The following WASL variants were observed in gnomAD, a reference collection of about 807,000 sequenced individuals.
WASL encodes the protein WASP like actin nucleation promoting factor, also known as actin nucleation-promoting factor WASL.
WASL carries 20 observed loss-of-function variants against 55.5 expected under a neutral mutation model. The observed-to-expected ratio is 0.36, with a 90% CI of 0.25 to 0.52. The LOEUF (loss-of-function observed/expected upper bound fraction) is 0.52, where lower values mean the gene tolerates loss of function less well. Among genes scored for constraint, WASL ranks in the 20% least tolerant of loss-of-function variants. The pLI is 0.92. For synonymous variants in WASL, 249 were observed against 217.6 expected (o/e 1.14, Z -1.27); for missense variants, 504 against 622.5 (o/e 0.81, Z 2.03).
At chr7:123,699,313 G>A (rs1803540842) in intron 5 of WASL, among the ~76,000 whole-genome samples, 1 of 152,162 alleles carries the variant, frequency 6.6e-6, no homozygotes, top group East Asian at 1.9e-4. Flanking sequence ...GGGAGGCAGA[G>A]GTTGCAGTGG....
In WASL at chr7:123,694,888, C is replaced by T; in HGVS notation, c.673-20G>A. 1 of 1,589,612 alleles carries T rather than the reference C, an allele frequency of 6.3e-7. No homozygotes were observed. The highest frequency in any genetic ancestry group is 8.5e-7 in the Non-Finnish European group (1 of 1,172,624). On this transcript the variant is annotated intron_variant, in intron 7 of 10. Transcript: ENST00000223023. Reference sequence around the variant, plus strand: ...ATTCAGCTACAAAAGAAAGTAACTGCTAACTATAAAAATATATCCCAATTT... The same window carrying T: ...ATTCAGCTACAAAAGAAAGTAACTGTTAACTATAAAAATATATCCCAATTT...
chr7:123,706,593 T>C (rs1392626088), intron 3 of WASL, 147 bp downstream of exon 3: 3 of 748,620 alleles, frequency 4.0e-6, no homozygotes, highest in African/African-American at 3.6e-5. Flanking sequence ...AGCAGACACA[T>C]ATACTAATTT....
chr7:123,691,600 G>C (rs1803409438), intron 9 of WASL, among the ~76,000 whole-genome samples: 1 of 151,918 alleles, frequency 6.6e-6, no homozygotes. Flanking sequence ...GGTCACAAGA[G>C]GCCATACTGC....
intron 1 of WASL, among the ~76,000 whole-genome samples, chr7:123,730,396 T>A (rs1280617380): frequency 2.6e-5 from 4 of 152,032 alleles, no homozygotes; most frequent in Non-Finnish European, 5.9e-5. Flanking sequence ...ATAAATAAAA[T>A]TAATGACAGT....
chr7:123,740,298 T>C (rs991389784), intron 1 of WASL, among the ~76,000 whole-genome samples: 1 of 152,096 alleles, frequency 6.6e-6, no homozygotes, highest in African/African-American at 2.4e-5. Flanking sequence ...CAGTCAATTA[T>C]TTGGTCTCTT....
intron 1 of WASL, among the ~76,000 whole-genome samples, chr7:123,730,263 G>GA (rs1270570112): frequency 7.2e-5 from 11 of 152,004 alleles, no homozygotes; most frequent in African/African-American, 2.4e-4. Context: ...CATACATACA[G>GA]AAAAAATATT....
At chr7:123,685,644 G>A (rs947053824) in intron 10 of WASL, among the ~76,000 whole-genome samples, 2 of 151,452 alleles carry the variant, frequency 1.3e-5, no homozygotes, top group Admixed American at 6.6e-5. Flanking sequence ...ATGACAGCAC[G>A]GACCTTGCCT....
At chr7:123,736,732 A>G (rs1352042567) in intron 1 of WASL, among the ~76,000 whole-genome samples, 2 of 152,244 alleles carry the variant, frequency 1.3e-5, no homozygotes, top group African/African-American at 4.8e-5. Context: ...AAAGTGCAGA[A>G]GAAAACAAGA....
intron 10 of WASL, among the ~76,000 whole-genome samples, chr7:123,686,549 A>G (rs1386375923): frequency 1.3e-5 from 2 of 152,162 alleles, no homozygotes; most frequent in Non-Finnish European, 2.9e-5. Context: ...CTATATTTTC[A>G]TTATATTAGC....
intron 1 of WASL, among the ~76,000 whole-genome samples, chr7:123,747,285 G>T (rs2116832690): frequency 6.6e-6 from 1 of 152,210 alleles, no homozygotes; most frequent in African/African-American, 2.4e-5. Context: ...TGTGTGAATG[G>T]GGAGGGGCTT....
At position 123,710,802 on chromosome 7, in the gene WASL, T is replaced by C. The variant is rs376668339; in HGVS notation, c.118-1579A>G. ...AGACTGAAGAATGTGGGACACTTTT[T>C]GGCCTGCTCAAAACACACTTGTGTT... On this transcript the variant is annotated intron_variant, in intron 1 of 10. Transcript: ENST00000223023. 4.6e-5 allele frequency among the ~76,000 whole-genome samples: 7 copies of C among 152,312 alleles called. No homozygotes were observed. The East Asian group carries it at 1.3e-3, about 29-fold the overall frequency.
intron 1 of WASL, among the ~76,000 whole-genome samples, chr7:123,710,215 A>G (rs1257869426): frequency 6.6e-6 from 1 of 151,992 alleles, no homozygotes; most frequent in East Asian, 1.9e-4. Context: ...TTTCTGATAA[A>G]GTAATTTCAC....
intron 1 of WASL, among the ~76,000 whole-genome samples, chr7:123,719,453 G>C (rs569350576): frequency 1.3e-5 from 2 of 152,298 alleles, no homozygotes; most frequent in Middle Eastern, 3.4e-3. Flanking sequence ...ATCTGGGAGG[G>C]AAGTCAGGCT....
At chr7:123,736,646 T>C (rs1046663373) in intron 1 of WASL, among the ~76,000 whole-genome samples, 1 of 152,178 alleles carries the variant, frequency 6.6e-6, no homozygotes, top group Non-Finnish European at 1.5e-5. Flanking sequence ...CATTACATTA[T>C]GTAATACCTG....
intron 1 of WASL, among the ~76,000 whole-genome samples, chr7:123,734,591 T>TAAAAAA (rs71161498): frequency 1.1e-5 from 1 of 92,354 alleles, no homozygotes; most frequent in African/African-American, 4.2e-5. Context: ...ATAGAAAATG[T>TAAAAAA]AAAAAAAAAA....
At chr7:123,737,156 A>T (rs1336916018) in intron 1 of WASL, among the ~76,000 whole-genome samples, 1 of 152,182 alleles carries the variant, frequency 6.6e-6, no homozygotes, top group Non-Finnish European at 1.5e-5. Flanking sequence ...GAACTTTTAA[A>T]AAATTGCAAA....
chr7:123,722,587 G>A (rs557928886), intron 1 of WASL, among the ~76,000 whole-genome samples: 31 of 152,264 alleles, frequency 2.0e-4, no homozygotes, highest in African/African-American at 7.2e-4. Flanking sequence ...GGAGGCTGAG[G>A]CAGGTAGATC....
intron 1 of WASL, among the ~76,000 whole-genome samples, chr7:123,737,596 CAAAAAAA>C (rs34669724): frequency 1.4e-5 from 1 of 72,816 alleles, no homozygotes; most frequent in South Asian, 6.3e-4. Context: ...CTCCGTCTCC[CAAAAAAA>C]AAAAAAAAAA....
chr7:123,693,778 T>G (rs1803450536), intron 8 of WASL, among the ~76,000 whole-genome samples: 1 of 152,144 alleles, frequency 6.6e-6, no homozygotes, highest in Non-Finnish European at 1.5e-5. Flanking sequence ...CCAACCTGGC[T>G]AACATGGAAA....
Sources: allele counts gnomAD v4.1 joint callset (sites outside exome capture counted in the v4.1 genomes callset), GRCh38; gene constraint gnomAD v4.1.1; transcripts MANE v1.5; gene names NCBI Gene and HGNC (gene_info 2026-07-23, HGNC 2026-07-21).